Variants in NAALADL2 observed in about 807,000 individuals in gnomAD.
The protein encoded by NAALADL2 is inactive N-acetylated-alpha-linked acidic dipeptidase-like protein 2.
NAALADL2 carries 76 observed loss-of-function variants against 87.2 expected under a neutral mutation model. That is an observed-to-expected ratio of 0.87 (90% CI 0.72 to 1.05). NAALADL2 has a LOEUF of 1.05. Ranked by LOEUF, NAALADL2 falls within the 50% of genes least tolerant of loss-of-function variation. The probability of loss-of-function intolerance (pLI) is 0.00; values close to 1 mark genes in which losing one functional copy is unlikely to be tolerated. For missense variants in NAALADL2, 1,089 were observed against 945.8 expected (o/e 1.15, Z -1.99); for synonymous variants, 354 against 331.0 (o/e 1.07, Z -0.75).
rs535505704 is a variant in NAALADL2 at position 175,016,869 on chromosome 3, T to A, written c.44-79921T>A. ...ATTCATATTATGTGTAATAATCAAT[T>A]CAGGGTGATCGGGTTATCTATCACT... On this transcript the variant is annotated intron_variant, in intron 1 of 13. Coordinates refer to ENST00000454872, the MANE Select transcript of NAALADL2 (RefSeq NM_207015.3). Among the ~76,000 whole-genome samples, 4 of 152,172 alleles carry A rather than the reference T, an allele frequency of 2.6e-5. No homozygotes were observed. The East Asian group carries it at 7.7e-4, about 29-fold the overall frequency.
chr3:174,488,270 GGTTTTA>G (rs1717980544), intron 1 of NAALADL2, among the ~76,000 whole-genome samples: 2 of 151,906 alleles, frequency 1.3e-5, no homozygotes, highest in African/African-American at 4.8e-5. Flanking sequence ...AGCTTGATCT[GGTTTTA>G]AATCCAGATT....
At chr3:175,234,834 A>T (rs1745549124) in intron 3 of NAALADL2, 1 of 152,202 alleles carries the variant, frequency 6.6e-6, no homozygotes, top group Non-Finnish European at 1.5e-5. Flanking sequence ...GTTGGGAGGA[A>T]ACGGGCTGAT....
In NAALADL2 at chr3:175,763,894, C is replaced by T. The variant is rs141780640; in HGVS notation, c.2189+8476C>T. On this transcript the variant is annotated intron_variant, in intron 13 of 13. Coordinates refer to ENST00000454872, the MANE Select transcript of NAALADL2 (RefSeq NM_207015.3). ...GAGATAGGTTTATAGGGAAATTTTA[C>T]AAAAGGATAGGAAATTTGGTGTGGC... Among the ~76,000 whole-genome samples, 1,384 of 152,048 alleles carry T rather than the reference C, an allele frequency of 9.1e-3. 11 individuals are homozygous for T. The highest frequency in any genetic ancestry group is 0.011 in the Non-Finnish European group (774 of 67,958).
intron 4 of NAALADL2, among the ~76,000 whole-genome samples, chr3:175,269,680 G>T (rs994720942): frequency 1.3e-5 from 2 of 152,218 alleles, no homozygotes; most frequent in Admixed American, 1.3e-4. Flanking sequence ...GTAAGTAACT[G>T]CTTCTCAGGG....
At chr3:175,552,367 T>C (rs1396959789) in intron 9 of NAALADL2, among the ~76,000 whole-genome samples, 1 of 152,120 alleles carries the variant, frequency 6.6e-6, no homozygotes, top group Non-Finnish European at 1.5e-5. Flanking sequence ...AAAAAGAAAA[T>C]AGAGTATTAA....
Position 174,524,391 on chromosome 3 carries a change from T to C in NAALADL2, c.-183-26178T>C, listed in dbSNP as rs529099847. 2.0e-5 allele frequency among the ~76,000 whole-genome samples: 3 copies of C among 152,276 alleles called. No individual in the cohort carries two copies. In the South Asian group the frequency reaches 6.2e-4, roughly 32 times the overall value. On this transcript the variant is annotated intron_variant, in intron 1 of 3. Transcript: ENST00000434257. ...CGGGTGGATGTTCAGCCTGTCCTAG[T>C]CCTGTAAGGCTTGCCCAGGCTTGAA...
chr3:175,784,999 T>C (rs1008949123), intron 13 of NAALADL2, among the ~76,000 whole-genome samples: 1 of 150,590 alleles, frequency 6.6e-6, no homozygotes, highest in Non-Finnish European at 1.5e-5. Context: ...CCAGTTTCCA[T>C]GTAGTTGAGC....
intron 1 of NAALADL2, among the ~76,000 whole-genome samples, chr3:174,475,186 A>C (rs1481402459): frequency 6.6e-6 from 1 of 151,950 alleles, no homozygotes; most frequent in Non-Finnish European, 1.5e-5. Context: ...TGATATTACC[A>C]AATATATGGA....
chr3:174,529,173 A>C (rs1170710005), intron 1 of NAALADL2, among the ~76,000 whole-genome samples: 9 of 152,228 alleles, frequency 5.9e-5, no homozygotes, highest in Non-Finnish European at 1.0e-4. Context: ...AAATACACCT[A>C]TTCTTAATGG....
At chr3:174,929,056 A>G (rs1736491747) in intron 1 of NAALADL2, among the ~76,000 whole-genome samples, 1 of 152,188 alleles carries the variant, frequency 6.6e-6, no homozygotes, top group South Asian at 2.1e-4. Context: ...TGCATCTCTT[A>G]GGAGATGACA....
At chr3:174,621,800 C>T (rs991573744) in intron 2 of NAALADL2, among the ~76,000 whole-genome samples, 13 of 152,028 alleles carry the variant, frequency 8.6e-5, no homozygotes, top group East Asian at 1.9e-4. Flanking sequence ...TAATGGGTCA[C>T]GTTTGACTGT....
At chr3:175,552,674 C>T (rs1235356179) in intron 9 of NAALADL2, among the ~76,000 whole-genome samples, 2 of 152,066 alleles carry the variant, frequency 1.3e-5, no homozygotes, top group Non-Finnish European at 2.9e-5. Context: ...AGATGTGAAG[C>T]ATGTATTAAA....
chr3:174,715,033 T>G (rs1174253571), intron 2 of NAALADL2, among the ~76,000 whole-genome samples: 1 of 152,196 alleles, frequency 6.6e-6, no homozygotes, highest in Non-Finnish European at 1.5e-5. Context: ...GTCAAAGGCC[T>G]TTTCTGCATC....
rs201186888 is a variant in NAALADL2, at chr3:174,785,595, TG to T, written c.-9+47850del. ...ATGCAATGTCTCTGCAAATAAATAT[TG>T]CTTTGTCTATTTGGGCTCTTTTTTG... On this transcript the variant is annotated intron_variant, in intron 3 of 3. Transcript: ENST00000434257. Among the ~76,000 whole-genome samples, 1,362 of 152,298 alleles carry T rather than the reference TG, an allele frequency of 8.9e-3. 11 individuals carry two copies. The highest frequency in any genetic ancestry group is 0.027 in the Middle Eastern group (8 of 294).
chr3:175,141,449 G>T (rs1279664383), intron 2 of NAALADL2, among the ~76,000 whole-genome samples: 1 of 152,068 alleles, frequency 6.6e-6, no homozygotes, highest in East Asian at 1.9e-4. Context: ...CATAGAGAAG[G>T]TGAAGACAGG....
intron 1 of NAALADL2, among the ~76,000 whole-genome samples, chr3:175,015,980 T>G (rs1373673209): frequency 6.6e-6 from 1 of 151,690 alleles, no homozygotes; most frequent in Non-Finnish European, 1.5e-5. Context: ...TTCTACTGTT[T>G]TGGGGGGAGG....
At chr3:175,592,126 A>G (rs1010466644) in intron 10 of NAALADL2, among the ~76,000 whole-genome samples, 1 of 152,068 alleles carries the variant, frequency 6.6e-6, no homozygotes, top group Non-Finnish European at 1.5e-5. Flanking sequence ...TTGGCTACCC[A>G]TAGAATTCAT....
intron 2 of NAALADL2, among the ~76,000 whole-genome samples, chr3:175,220,877 G>A (rs1381566946): frequency 6.6e-6 from 1 of 152,072 alleles, no homozygotes; most frequent in Admixed American, 6.6e-5. Context: ...AGTACTGTTA[G>A]GTATGTTTCC....
chr3:175,558,101 A>C (rs557404219), intron 9 of NAALADL2, among the ~76,000 whole-genome samples: 2 of 148,810 alleles, frequency 1.3e-5, no homozygotes, highest in East Asian at 4.2e-4. Flanking sequence ...AGGCTGAGGC[A>C]GGAGAATGGC....
Sources: gnomAD v4.1 joint callset for allele counts (sites outside exome capture counted in the v4.1 genomes callset) on GRCh38, gnomAD v4.1.1 for gene constraint, MANE v1.5 for transcripts, NCBI Gene and HGNC (gene_info 2026-07-23, HGNC 2026-07-21) for gene names.